The following TRIM24 variants were observed in gnomAD, a reference collection of about 807,000 sequenced individuals.
TRIM24 encodes tripartite motif containing 24, also known as transcription intermediary factor 1-alpha.
TRIM24 carries 29 observed loss-of-function variants against 123.9 expected under a neutral mutation model. The observed-to-expected ratio is 0.23, with a 90% CI of 0.17 to 0.32. The LOEUF (loss-of-function observed/expected upper bound fraction) is 0.32, where lower values mean the gene tolerates loss of function less well. Ranked by LOEUF, TRIM24 falls within the 10% of genes least tolerant of loss-of-function variation. The pLI, the probability that TRIM24 is intolerant of heterozygous loss-of-function variation, is 1.00. For missense variants in TRIM24, 932 were observed against 1,295.3 expected (o/e 0.72, Z 4.31); for synonymous variants, 456 against 461.1 (o/e 0.99, Z 0.14).
chr7:138,545,925 T>A (rs866264533), intron 7 of TRIM24, among the ~76,000 whole-genome samples: 61 of 152,114 alleles, frequency 4.0e-4, no homozygotes, highest in Middle Eastern at 3.4e-3. Context: ...ATAACATAAA[T>A]CAGTAAACAG....
chr7:138,502,820 G>T (rs1277498680), intron 1 of TRIM24, among the ~76,000 whole-genome samples: 5 of 152,132 alleles, frequency 3.3e-5, no homozygotes, highest in Non-Finnish European at 7.4e-5. Context: ...TTCTCATTTT[G>T]TTCATGGTAA....
intron 9 of TRIM24, among the ~76,000 whole-genome samples, chr7:138,565,586 C>T (rs926475569): frequency 3.3e-4 from 50 of 152,178 alleles, no homozygotes; most frequent in African/African-American, 7.0e-4. Context: ...TCTCCAATCC[C>T]GGGCGAGCCC....
At chr7:138,509,516 A>G (rs1796240393) in intron 2 of TRIM24, among the ~76,000 whole-genome samples, 1 of 150,466 alleles carries the variant, frequency 6.6e-6, no homozygotes, top group Non-Finnish European at 1.5e-5. Flanking sequence ...AGCCTGACCA[A>G]TATGGTGAAA....
At chr7:138,470,402 C>T (rs1276038692) in intron 1 of TRIM24, among the ~76,000 whole-genome samples, 1 of 152,024 alleles carries the variant, frequency 6.6e-6, no homozygotes, top group Admixed American at 6.6e-5. Context: ...ATTACAGATG[C>T]GAGCCATCGC....
intron 7 of TRIM24, among the ~76,000 whole-genome samples, chr7:138,544,299 A>G (rs1229883924): frequency 2.0e-5 from 3 of 152,122 alleles, no homozygotes; most frequent in Admixed American, 1.3e-4. Context: ...GGCTTATTTC[A>G]CTTACCATAG....
At position 138,502,126 on chromosome 7, in the gene TRIM24, C is replaced by T. The variant is rs146588318; in HGVS notation, c.365-2164C>T. 4.3e-3 allele frequency among the ~76,000 whole-genome samples: 648 copies of T among 152,230 alleles called. 6 individuals are homozygous for T. Among genetic ancestry groups the T allele is most frequent in the African/African-American group, 0.015 (633 of 41,528 alleles). ...AGAATTTATTTGTAGCCTTAGAGGT[C>T]ATACTTTGAGGGAGTCAATATAGAT... On this transcript the variant is annotated intron_variant, in intron 1 of 18. Transcript: ENST00000343526.
chr7:138,488,056 C>A (rs1795688183), intron 1 of TRIM24, among the ~76,000 whole-genome samples: 1 of 151,920 alleles, frequency 6.6e-6, no homozygotes, highest in African/African-American at 2.4e-5. Flanking sequence ...TCAACTTCTT[C>A]CTGGTTTAGT....
intron 7 of TRIM24, among the ~76,000 whole-genome samples, chr7:138,542,975 C>G (rs2116616142): frequency 6.6e-6 from 1 of 152,184 alleles, no homozygotes; most frequent in Non-Finnish European, 1.5e-5. Flanking sequence ...CTGTTACTTA[C>G]ATTTTTTTGA....
At chr7:138,506,676 T>C (rs1037579140) in intron 2 of TRIM24, among the ~76,000 whole-genome samples, 1 of 152,214 alleles carries the variant, frequency 6.6e-6, no homozygotes, top group African/African-American at 2.4e-5. Context: ...TTTATGTTTA[T>C]TTAGTCTGCT....
chr7:138,472,537 C>T (rs760020569), intron 1 of TRIM24, among the ~76,000 whole-genome samples: 1 of 152,122 alleles, frequency 6.6e-6, no homozygotes, highest in Non-Finnish European at 1.5e-5. Context: ...GAGAGGGTAA[C>T]AGGAGTGGAA....
At chr7:138,498,245 G>C (rs951714717) in intron 1 of TRIM24, among the ~76,000 whole-genome samples, 1 of 151,694 alleles carries the variant, frequency 6.6e-6, no homozygotes, top group African/African-American at 2.4e-5. Flanking sequence ...TTTTTTTCGA[G>C]ACAGAGTCTC....
intron 9 of TRIM24, among the ~76,000 whole-genome samples, chr7:138,565,481 C>G (rs1797517482): frequency 6.6e-6 from 1 of 152,190 alleles, no homozygotes; most frequent in African/African-American, 2.4e-5. Flanking sequence ...CTGATCACCC[C>G]TCTGGGTTGA....
intron 9 of TRIM24, among the ~76,000 whole-genome samples, chr7:138,565,117 G>A (rs532555399): frequency 2.3e-3 from 348 of 152,118 alleles, no homozygotes; most frequent in Non-Finnish European, 4.0e-3. Flanking sequence ...AGAGAACTGC[G>A]GCCCCCACAC....
chr7:138,552,028 A>T (rs10226487), intron 8 of TRIM24, among the ~76,000 whole-genome samples: 2,772 of 152,040 alleles, frequency 0.018, 70 homozygotes, highest in African/African-American at 0.061. Flanking sequence ...TTATAAATAC[A>T]GTTTTTTTTT....
At chr7:138,523,318 T>G (rs983696338) in intron 4 of TRIM24, among the ~76,000 whole-genome samples, 2 of 152,248 alleles carry the variant, frequency 1.3e-5, no homozygotes, top group Admixed American at 1.3e-4. Flanking sequence ...ACTTAGAGAA[T>G]GAAGCTTTTT....
At chr7:138,563,229 G>A (rs984717097) in intron 9 of TRIM24, among the ~76,000 whole-genome samples, 8 of 152,274 alleles carry the variant, frequency 5.3e-5, no homozygotes, top group African/African-American at 7.2e-5. Context: ...CTGCCACCCC[G>A]ATCAGGTCGG....
At chr7:138,558,260 C>A (rs1367204200) in intron 9 of TRIM24, among the ~76,000 whole-genome samples, 1 of 152,130 alleles carries the variant, frequency 6.6e-6, no homozygotes, top group Non-Finnish European at 1.5e-5. Context: ...TCCTGCCCCA[C>A]CATAAAGTCT....
chr7:138,529,035 G>C (rs1796671847), intron 5 of TRIM24, 81 bp from the exon 6 acceptor site: 1 of 743,258 alleles, frequency 1.3e-6, no homozygotes, highest in Admixed American at 3.2e-5. Context: ...AAACATTTTG[G>C]TCTAATTTAG....
intron 7 of TRIM24, chr7:138,545,396 G>A: frequency 2.2e-6 from 1 of 456,568 alleles, no homozygotes; most frequent in Non-Finnish European, 4.4e-6. Context: ...TTGGATTTTG[G>A]TTACATTGAG....
Sources: gnomAD v4.1 joint callset for allele counts (sites outside exome capture counted in the v4.1 genomes callset) on GRCh38, gnomAD v4.1.1 for gene constraint, MANE v1.5 for transcripts, NCBI Gene and HGNC (gene_info 2026-07-23, HGNC 2026-07-21) for gene names.